The following MME variants were observed in gnomAD, a reference collection of about 807,000 sequenced individuals.
MME encodes the protein neprilysin.
In MME, 98 loss-of-function variants were observed where a neutral mutation model predicts 113.2. That is an observed-to-expected ratio of 0.87 (90% CI 0.74 to 1.02). The LOEUF is 1.02. Among genes scored for constraint, MME ranks in the 50% least tolerant of loss-of-function variants. MME has a pLI of 0.00. For synonymous variants in MME, 292 were observed against 300.6 expected (o/e 0.97, Z 0.30); for missense variants, 836 against 896.0 (o/e 0.93, Z 0.86).
At chr3:155,165,522 G>C (rs1053344320) in intron 17 of MME, among the ~76,000 whole-genome samples, 7 of 152,108 alleles carry the variant, frequency 4.6e-5, no homozygotes, top group Non-Finnish European at 7.4e-5. Context: ...TTTAGCTAGA[G>C]AGCAATGGTA....
At chr3:155,133,939 A>G (rs373304066) in intron 8 of MME, among the ~76,000 whole-genome samples, 17 of 151,492 alleles carry the variant, frequency 1.1e-4, no homozygotes, top group East Asian at 7.9e-4. Context: ...TTGGGAATAC[A>G]GTTAATTCAA....
chr3:155,093,052 TA>T (rs10706860), intron 3 of MME, among the ~76,000 whole-genome samples: 57,458 of 146,052 alleles, frequency 0.39, 12,196 homozygotes, highest in Non-Finnish European at 0.51. Context: ...CCAAAGCCGT[TA>T]AAAAAAAAAA....
chr3:155,138,333 T>G, intron 9 of MME, 97 bp downstream of exon 9: 1 of 1,280,950 alleles, frequency 7.8e-7, no homozygotes, highest in South Asian at 1.2e-5. Flanking sequence ...GTACAGCACT[T>G]TAACCAAGTA....
chr3:155,066,092 T>A (rs1476775670), intron 1 of MME, among the ~76,000 whole-genome samples: 2 of 152,218 alleles, frequency 1.3e-5, no homozygotes, highest in East Asian at 3.8e-4. Context: ...TCATTTTATA[T>A]AGAAATGAAG....
At chr3:155,073,690 C>T (rs1197988492) in intron 1 of MME, among the ~76,000 whole-genome samples, 1 of 151,956 alleles carries the variant, frequency 6.6e-6, no homozygotes, top group Non-Finnish European at 1.5e-5. Context: ...ATGTTTTAGG[C>T]TTTAAGGATG....
chr3:155,132,669 G>T (rs1193710795), intron 8 of MME, among the ~76,000 whole-genome samples: 1 of 152,036 alleles, frequency 6.6e-6, no homozygotes, highest in African/African-American at 2.4e-5. Context: ...GGCCTCTGTT[G>T]TAATAACTAA....
intron 16 of MME, among the ~76,000 whole-genome samples, chr3:155,157,607 A>G (rs1266430700): frequency 1.3e-5 from 2 of 152,168 alleles, no homozygotes; most frequent in Non-Finnish European, 2.9e-5. Flanking sequence ...GTGATTGATC[A>G]CAAATATTAG....
At chr3:155,071,993 C>T (rs1461565901) in intron 1 of MME, among the ~76,000 whole-genome samples, 1 of 151,702 alleles carries the variant, frequency 6.6e-6, no homozygotes, top group African/African-American at 2.4e-5. Context: ...AACCCCGTCT[C>T]TACTAAAAAT....
In MME at chr3:155,071,625, A is replaced by G. The variant is rs533217530; in HGVS notation, c.-10-12533A>G. 2.0e-5 allele frequency among the ~76,000 whole-genome samples: 3 copies of G among 152,298 alleles called. No homozygotes were observed. In the South Asian group the frequency reaches 6.2e-4, roughly 32 times the overall value. ...GGCAAATATCTCATTGTATGACAGT[A>G]ATGCTACAATTTCAACAAGATGTCC... On this transcript the variant is annotated intron_variant, in intron 1 of 22. Transcript: ENST00000492661.
intron 3 of MME, among the ~76,000 whole-genome samples, chr3:155,111,467 C>A (rs957845553): frequency 2.6e-5 from 4 of 152,232 alleles, no homozygotes; most frequent in Non-Finnish European, 2.9e-5. Context: ...ACATCCCTCA[C>A]AAACTGAATG....
intron 9 of MME, among the ~76,000 whole-genome samples, chr3:155,138,685 A>G (rs188860651): frequency 2.0e-5 from 3 of 152,294 alleles, no homozygotes; most frequent in East Asian, 1.9e-4. Context: ...CCATGTGGCA[A>G]TGTGATACTA....
chr3:155,029,517 C>T (rs899719909), intron 1 of MME, among the ~76,000 whole-genome samples: 3 of 150,776 alleles, frequency 2.0e-5, no homozygotes, highest in African/African-American at 7.3e-5. Context: ...CTATTTTTCC[C>T]GTATCTAGTA....
At chr3:155,112,358 C>T (rs1239221900) in intron 3 of MME, 1 of 152,086 alleles carries the variant, frequency 6.6e-6, no homozygotes, top group Non-Finnish European at 1.5e-5. Context: ...GGCTGGGTAA[C>T]ATGCTCAAAG....
chr3:155,129,680 A>G, intron 8 of MME, among the ~76,000 whole-genome samples: 1 of 152,170 alleles, frequency 6.6e-6, no homozygotes, highest in Non-Finnish European at 1.5e-5. Flanking sequence ...TGTTAAAGAG[A>G]TGGAGCCTGA....
chr3:155,086,174 A>G (rs1715705765), intron 3 of MME, among the ~76,000 whole-genome samples: 1 of 152,172 alleles, frequency 6.6e-6, no homozygotes, highest in Admixed American at 6.5e-5. Context: ...GTGAGAGAAG[A>G]GTACTATTGA....
At position 155,138,102 on chromosome 3, in the gene MME, G is replaced by C. The variant is rs778731154; in HGVS notation, c.721G>C (p.Ala241Pro). The C allele has an allele frequency of 3.1e-6, 5 of 1,613,550 alleles. No homozygotes were observed. In the Admixed American group the frequency reaches 8.3e-5, roughly 27 times the overall value. Residue 241 changes from alanine to proline, a missense_variant and splice_region_variant, in exon 9 of 23, where the codon GCT becomes CCT. By Grantham distance (27) the Ala-to-Pro change is conservative. Transcript: ENST00000360490. The part of the protein sequence containing the change: ...YYECTGIYKE[A>P]CTAYVDFMIS... ...GTTTAGTGCTATTTTTTTCTTGCAG[G>C]CTTGTACAGCATATGTGGATTTTAT...
intron 22 of MME, among the ~76,000 whole-genome samples, chr3:155,174,945 G>T (rs1712374880): frequency 6.6e-6 from 1 of 151,974 alleles, no homozygotes; most frequent in Non-Finnish European, 1.5e-5. Flanking sequence ...TAATATTATT[G>T]TAATACCTAG....
chr3:155,150,605 A>G (rs1721854796), intron 16 of MME, among the ~76,000 whole-genome samples: 1 of 152,178 alleles, frequency 6.6e-6, no homozygotes, highest in Non-Finnish European at 1.5e-5. Flanking sequence ...CACCTGGGGA[A>G]CATTTTAAAA....
chr3:155,047,289 T>C (rs1384809027), intron 1 of MME, among the ~76,000 whole-genome samples: 2 of 152,214 alleles, frequency 1.3e-5, no homozygotes, highest in Non-Finnish European at 2.9e-5. Flanking sequence ...ATAGAGTATT[T>C]TACCACTGTC....
Sources: gnomAD v4.1 joint callset for allele counts (sites outside exome capture counted in the v4.1 genomes callset) on GRCh38, gnomAD v4.1.1 for gene constraint, MANE v1.5 for transcripts, NCBI Gene and HGNC (gene_info 2026-07-23, HGNC 2026-07-21) for gene names.